Variants in KCND3 observed in about 807,000 individuals in gnomAD.
The protein encoded by KCND3 is potassium voltage-gated channel subfamily D member 3.
A neutral mutation model predicts 51.1 loss-of-function variants in KCND3; 9 were observed. That is an observed-to-expected ratio of 0.18 (90% CI 0.11 to 0.31). KCND3 has a LOEUF of 0.31. KCND3 is among the 10% of genes least tolerant of loss of function. The pLI is 1.00. For missense variants in KCND3, 526 were observed against 903.8 expected, an observed-to-expected ratio of 0.58 and a Z score of 5.36; for synonymous variants, 349 against 368.0, an observed-to-expected ratio of 0.95 and a Z score of 0.59.
intron 2 of KCND3, among the ~76,000 whole-genome samples, chr1:111,891,906 A>G (rs1487141917): frequency 6.6e-6 from 1 of 152,148 alleles, no homozygotes; most frequent in African/African-American, 2.4e-5. Context: ...GGAGACTTGA[A>G]GATGAATCAG....
chr1:111,943,699 G>T (rs1033217701), intron 2 of KCND3, among the ~76,000 whole-genome samples: 1 of 152,168 alleles, frequency 6.6e-6, no homozygotes, highest in Non-Finnish European at 1.5e-5. Flanking sequence ...GAGAACAGGA[G>T]GCCATCCAGA....
chr1:111,921,383 G>A lies in KCND3; in HGVS notation c.1106+60238C>T, dbSNP rs79519768. On this transcript the variant is annotated intron_variant, in intron 2 of 7. Transcript: ENST00000302127. ...AATGGAGCTTGGGTCAAGGCCAGGC[G>A]GTTAACAGACCCCATCTCAGAGAAT... is the stretch of plus-strand genomic sequence containing the variant. Among the ~76,000 whole-genome samples, 692 of 152,296 alleles carry A rather than the reference G, an allele frequency of 4.5e-3. 2 individuals carry two copies. Among genetic ancestry groups the A allele is most frequent in the African/African-American group, 0.016 (654 of 41,558 alleles).
chr1:111,800,289 A>G (rs1382008852), intron 2 of KCND3, among the ~76,000 whole-genome samples: 11 of 97,000 alleles, frequency 1.1e-4, no homozygotes, highest in Non-Finnish European at 2.1e-5. Flanking sequence ...ACTCAGGGTT[A>G]AATGGATTAA....
At chr1:111,828,694 C>G (rs1054484239) in intron 2 of KCND3, among the ~76,000 whole-genome samples, 1 of 152,210 alleles carries the variant, frequency 6.6e-6, no homozygotes, top group Non-Finnish European at 1.5e-5. Flanking sequence ...AGAGACCCCC[C>G]ATCCTGCCAC....
At chr1:111,965,479 C>CACACACACACACACACACAA (rs1457067937) in intron 2 of KCND3, among the ~76,000 whole-genome samples, 1 of 150,596 alleles carries the variant, frequency 6.6e-6, no homozygotes, top group East Asian at 2.0e-4. Context: ...CACACACACA[C>CACACACACACACACACACAA]ACACACACAC....
chr1:111,821,411 CAGAGGCCTTGAGT>C (rs1277605771), intron 2 of KCND3, among the ~76,000 whole-genome samples: 2 of 152,184 alleles, frequency 1.3e-5, no homozygotes, highest in African/African-American at 2.4e-5. Flanking sequence ...TCAGCCAGCT[CAGAGGCCTTGAGT>C]GCACAGCGGG....
chr1:111,882,012 GAAGA>G (rs1428335440), intron 2 of KCND3, among the ~76,000 whole-genome samples: 1 of 152,160 alleles, frequency 6.6e-6, no homozygotes, highest in African/African-American at 2.4e-5. Context: ...CTGGTGAACT[GAAGA>G]AATAGGAATG....
At chr1:111,819,525 A>T (rs546886223) in intron 2 of KCND3, among the ~76,000 whole-genome samples, 1 of 152,192 alleles carries the variant, frequency 6.6e-6, no homozygotes, top group Non-Finnish European at 1.5e-5. Context: ...AATGCGGAAC[A>T]ATTAAGACTG....
chr1:111,901,819 A>T (rs572473), intron 2 of KCND3, among the ~76,000 whole-genome samples: 2 of 152,042 alleles, frequency 1.3e-5, no homozygotes, highest in South Asian at 2.1e-4. Flanking sequence ...CCCTGAAAGC[A>T]TAATCTCTCA....
intron 2 of KCND3, among the ~76,000 whole-genome samples, chr1:111,972,712 C>A (rs934585480): frequency 6.6e-6 from 1 of 152,220 alleles, no homozygotes; most frequent in Non-Finnish European, 1.5e-5. Context: ...CTCTTGTACA[C>A]TCTCATGGAC....
intron 2 of KCND3, among the ~76,000 whole-genome samples, chr1:111,921,039 G>A (rs1221501203): frequency 6.6e-6 from 1 of 152,188 alleles, no homozygotes; most frequent in Admixed American, 6.5e-5. Flanking sequence ...GAAGAAGACA[G>A]GTCTGTGGCT....
intron 2 of KCND3, among the ~76,000 whole-genome samples, chr1:111,886,518 TA>T (rs958481103): frequency 6.6e-6 from 1 of 152,238 alleles, no homozygotes; most frequent in Non-Finnish European, 1.5e-5. Context: ...CGAGGAGGGT[TA>T]GGGGCTTTTT....
intron 3 of KCND3, among the ~76,000 whole-genome samples, chr1:111,781,545 G>A (rs1341436296): frequency 2.0e-5 from 3 of 151,916 alleles, no homozygotes; most frequent in East Asian, 1.9e-4. Context: ...TTTTTGAGAC[G>A]GAGTCTCGCT....
At chr1:111,934,230 G>C (rs1251010197) in intron 2 of KCND3, among the ~76,000 whole-genome samples, 2 of 152,180 alleles carry the variant, frequency 1.3e-5, no homozygotes, top group South Asian at 4.1e-4. Flanking sequence ...CTGCCCAAGA[G>C]AGCAGACTCC....
intron 2 of KCND3, among the ~76,000 whole-genome samples, chr1:111,856,084 C>T (rs888622152): frequency 7.9e-5 from 12 of 152,200 alleles, no homozygotes; most frequent in East Asian, 5.8e-4. Flanking sequence ...AGAAGGATGG[C>T]GAGCAGACCT....
chr1:111,925,669 C>T (rs1671664001), intron 2 of KCND3, among the ~76,000 whole-genome samples: 1 of 152,182 alleles, frequency 6.6e-6, no homozygotes, highest in South Asian at 2.1e-4. Flanking sequence ...CTGAAGCTCT[C>T]ATGGGCAGTT....
intron 6 of KCND3, 143 bp downstream of exon 6, chr1:111,778,293 G>A: frequency 1.2e-6 from 1 of 814,634 alleles, no homozygotes; most frequent in Non-Finnish European, 2.2e-6. Flanking sequence ...AGCTGGTGCT[G>A]GGTGTGACAG....
At chr1:111,891,968 C>CTGTG (rs756965891) in intron 2 of KCND3, among the ~76,000 whole-genome samples, 10 of 124,014 alleles carry the variant, frequency 8.1e-5, no homozygotes, top group Middle Eastern at 7.6e-3. Flanking sequence ...GCGTGTGTGT[C>CTGTG]TGTGTGTGTG....
At chr1:111,970,050 CTT>C (rs539462860) in intron 2 of KCND3, among the ~76,000 whole-genome samples, 21 of 150,766 alleles carry the variant, frequency 1.4e-4, no homozygotes, top group Admixed American at 4.0e-4. Flanking sequence ...GAGTTTCACT[CTT>C]GTCGCCCAGG....
Sources: allele counts gnomAD v4.1 joint callset (sites outside exome capture counted in the v4.1 genomes callset), GRCh38; gene constraint gnomAD v4.1.1; transcripts MANE v1.5; gene names NCBI Gene and HGNC (gene_info 2026-07-23, HGNC 2026-07-21).